The following USH2A variants were observed in gnomAD, a reference collection of about 807,000 sequenced individuals.
USH2A encodes the protein usherin.
In USH2A, 443 loss-of-function variants were observed where a neutral mutation model predicts 538.9. That is an observed-to-expected ratio of 0.82 (90% confidence interval 0.76 to 0.89). USH2A has a LOEUF of 0.89. Ranked by LOEUF, USH2A falls within the 40% of genes least tolerant of loss-of-function variation. The probability of loss-of-function intolerance (pLI) is 0.00; values close to 1 mark genes in which losing one functional copy is unlikely to be tolerated. For missense variants in USH2A, 6,633 were observed against 6,324.8 expected (o/e 1.05, Z -1.65); for synonymous variants, 2,413 against 2,273.5 (o/e 1.06, Z -1.75).
chr1:215,929,288 C>T lies in USH2A; in HGVS notation c.7300+5328G>A, dbSNP rs535173770. Among the ~76,000 whole-genome samples, 69 of 152,154 alleles carry T rather than the reference C, an allele frequency of 4.5e-4. 2 individuals carry two copies. In the South Asian group the frequency reaches 0.012, roughly 27 times the overall value. ...GAAAATATGTGAAATCCCAAGATGA[C>T]CAATGAGAGCTTGATGTAAAAATCT... On this transcript the variant is annotated intron_variant, in intron 38 of 71. Transcript: ENST00000307340.
Position 215,798,962 on chromosome 1 carries a change from G to C in USH2A, c.9903C>G (p.Ser3301Arg). 1 of 1,614,068 alleles carries C rather than the reference G, an allele frequency of 6.2e-7. No homozygotes were observed. The highest frequency in any genetic ancestry group is 2.2e-5 in the East Asian group (1 of 44,864). Residue 3301 changes from serine to arginine, a missense_variant, in exon 50 of 72, where the codon AGC (serine) becomes AGG (arginine). Ser to Arg is a moderately radical substitution (Grantham distance 110). Coordinates refer to ENST00000307340, the MANE Select transcript of USH2A (RefSeq NM_206933.4). ...CTCCACCACAACACTCTAAATCGTT[G>C]CTCACAATCTGTCTGCCACAGCACT... ...GQKCCGRQIV[S>R]NDLECCGGEE...
At chr1:215,831,044 C>A (rs545418042) in intron 47 of USH2A, among the ~76,000 whole-genome samples, 10 of 152,140 alleles carry the variant, frequency 6.6e-5, no homozygotes, top group African/African-American at 2.4e-4. Flanking sequence ...TTACACTAAG[C>A]AATTGAAAGC....
rs113537967 is a variant in USH2A at position 215,655,766 on chromosome 1, C to T, written c.14134-4965G>A. On this transcript the variant is annotated intron_variant, in intron 64 of 71. Coordinates refer to ENST00000307340, the MANE Select transcript of USH2A (RefSeq NM_206933.4). ...TTTTTTTTTCTTTGAGACAGAGTCT[C>T]GCTCTTTCACCAACGCTGGAATGGA... is the stretch of plus-strand genomic sequence containing the variant. Among the ~76,000 whole-genome samples, 621 of 127,716 alleles carry T rather than the reference C, an allele frequency of 4.9e-3. 5 individuals carry two copies. Among genetic ancestry groups the T allele is most frequent in the African/African-American group, 0.018 (594 of 33,144 alleles). 83.8% of individuals were successfully genotyped at this position (127,716 alleles called of 152,430 possible).
At chr1:216,025,138 C>G (rs1295443200) in intron 32 of USH2A, among the ~76,000 whole-genome samples, 1 of 151,740 alleles carries the variant, frequency 6.6e-6, no homozygotes, top group Non-Finnish European at 1.5e-5. Context: ...CTCAGTTTTT[C>G]AAGCTCTTTT....
intron 17 of USH2A, 62 bp downstream of exon 17, chr1:216,199,565 A>G (rs960558635): frequency 1.2e-6 from 2 of 1,611,616 alleles, no homozygotes; most frequent in East Asian, 2.2e-5. Context: ...TAATTGCACA[A>G]TTACAATAGA....
At chr1:215,758,385 C>A (rs1048237553) in intron 58 of USH2A, among the ~76,000 whole-genome samples, 2 of 151,852 alleles carry the variant, frequency 1.3e-5, no homozygotes, top group Non-Finnish European at 2.9e-5. Context: ...ATATCTACAT[C>A]GACATCTAGA....
chr1:216,412,230 A>G (rs1241640299), intron 3 of USH2A, among the ~76,000 whole-genome samples: 2 of 152,156 alleles, frequency 1.3e-5, no homozygotes. Flanking sequence ...ATTTTTTACT[A>G]AAAGGTCAAG....
At chr1:216,063,913 G>C (rs1197130956) in intron 30 of USH2A, among the ~76,000 whole-genome samples, 1 of 152,146 alleles carries the variant, frequency 6.6e-6, no homozygotes, top group Non-Finnish European at 1.5e-5. Flanking sequence ...ATTAAACATT[G>C]AAATGAATGT....
chr1:216,055,400 A>T (rs899644381), intron 30 of USH2A, among the ~76,000 whole-genome samples: 2 of 152,150 alleles, frequency 1.3e-5, no homozygotes, highest in Non-Finnish European at 2.9e-5. Flanking sequence ...TGGCTAGGGG[A>T]AGGAGGGCAG....
At chr1:215,690,387 A>T (rs933579511) in intron 61 of USH2A, among the ~76,000 whole-genome samples, 9 of 152,124 alleles carry the variant, frequency 5.9e-5, no homozygotes, top group African/African-American at 2.2e-4. Context: ...TCACTTTCCC[A>T]GCTATTCCCA....
In USH2A at chr1:216,266,762, C is replaced by T. The variant is rs567304406; in HGVS notation, c.1972-15664G>A. Among the ~76,000 whole-genome samples the T allele has an allele frequency of 1.3e-4, 20 of 151,750 alleles. 1 individual carries two copies. Among genetic ancestry groups the T allele is most frequent in the Non-Finnish European group, 2.8e-4 (19 of 67,950 alleles). Reference sequence around the variant, plus strand: ...TATGTATATATTCATGTAGCAAAGACGTCAGCATGAGGAAGATTAATGACA... The same window carrying T: ...TATGTATATATTCATGTAGCAAAGATGTCAGCATGAGGAAGATTAATGACA... On this transcript the variant is annotated intron_variant, in intron 11 of 71. Transcript: ENST00000307340.
At chr1:215,889,501 G>T (rs1223243993) in intron 40 of USH2A, among the ~76,000 whole-genome samples, 3 of 151,956 alleles carry the variant, frequency 2.0e-5, no homozygotes, top group Non-Finnish European at 4.4e-5. Context: ...AAATCCTTCA[G>T]CATCTCTCAT....
chr1:216,381,846 A>G (rs2102734286), intron 3 of USH2A, among the ~76,000 whole-genome samples: 1 of 152,316 alleles, frequency 6.6e-6, no homozygotes, highest in East Asian at 1.9e-4. Flanking sequence ...CAAGTCTCGC[A>G]GTTAGCCTTG....
At chr1:216,288,749 T>A (rs1484087673) in intron 11 of USH2A, among the ~76,000 whole-genome samples, 3 of 152,160 alleles carry the variant, frequency 2.0e-5, no homozygotes, top group South Asian at 2.1e-4. Flanking sequence ...TTAGTTAGAA[T>A]CTGTGTGCAT....
chr1:215,946,667 C>T (rs145278838), intron 37 of USH2A, among the ~76,000 whole-genome samples: 375 of 152,290 alleles, frequency 2.5e-3, no homozygotes, highest in Non-Finnish European at 4.2e-3. Flanking sequence ...CCTTTGCTGT[C>T]CAATACAATA....
intron 64 of USH2A, among the ~76,000 whole-genome samples, chr1:215,656,289 C>T (rs528834650): frequency 3.2e-4 from 48 of 152,162 alleles, no homozygotes; most frequent in Admixed American, 7.2e-4. Context: ...AAGGGGGTTC[C>T]TGATGCATTT....
intron 55 of USH2A, among the ~76,000 whole-genome samples, chr1:215,773,770 AG>A (rs1342479491): frequency 2.0e-5 from 3 of 152,148 alleles, no homozygotes; most frequent in African/African-American, 7.2e-5. Flanking sequence ...TGAGATTCCC[AG>A]GAACTTCCAG....
At chr1:215,831,414 T>C (rs766173714) in intron 47 of USH2A, among the ~76,000 whole-genome samples, 5 of 152,032 alleles carry the variant, frequency 3.3e-5, no homozygotes, top group Non-Finnish European at 5.9e-5. Flanking sequence ...GACTGTACCT[T>C]CTCCTCAAGT....
intron 15 of USH2A, among the ~76,000 whole-genome samples, chr1:216,213,009 A>G (rs565569228): frequency 2.0e-5 from 3 of 152,148 alleles, no homozygotes; most frequent in Non-Finnish European, 2.9e-5. Context: ...GGAACAGTGC[A>G]TAGAAATAAC....
Sources: allele counts gnomAD v4.1 joint callset (sites outside exome capture counted in the v4.1 genomes callset), GRCh38; gene constraint gnomAD v4.1.1; transcripts MANE v1.5; gene names NCBI Gene and HGNC (gene_info 2026-07-23, HGNC 2026-07-21).